EPHB4: variants seen among roughly 807,000 people sequenced by gnomAD.
The protein encoded by EPHB4 is EPH receptor B4, also known as ephrin type-B receptor 4.
A neutral mutation model predicts 110.6 loss-of-function variants in EPHB4; 50 were observed. That is an observed-to-expected ratio of 0.45 (90% confidence interval 0.36 to 0.57). The LOEUF is 0.57. EPHB4 is among the 20% of genes least tolerant of loss of function. EPHB4 has a pLI of 0.00. For synonymous variants in EPHB4, 592 were observed against 578.4 expected (o/e 1.02, Z -0.34); for missense variants, 1,128 against 1,382.1 (o/e 0.82, Z 2.91).
At position 100,822,424 on chromosome 7, in the gene EPHB4, C is replaced by T. The variant is rs761954921; in HGVS notation, c.655G>A (p.Val219Met). 8.8e-6 allele frequency: 14 copies of T among 1,597,160 alleles called. No homozygotes were observed. The highest frequency in any genetic ancestry group is 5.4e-5 in the African/African-American group (4 of 74,726). The change falls in exon 4 of 17, where the codon GTG becomes ATG. Residue 219 changes from valine (V) to methionine (M), a missense_variant. Physicochemically the swap from Val to Met is conservative, Grantham distance 21. Transcript: ENST00000358173. This position sits in a 1 kb window ranked among gnomAD's most constrained non-coding sequence, Gnocchi z 4.7. ...ETVPRELVVP[V>M]AGSCVVDAVP... ...GCATCCACCACGCAGCTACCGGCCA[C>T]GGGCACAACCAGCTCCCGAGGCACA...
chr7:100,816,482 C>T (rs1584660559), intron 8 of EPHB4, among the ~76,000 whole-genome samples: 2 of 151,790 alleles, frequency 1.3e-5, no homozygotes, highest in South Asian at 4.2e-4. Flanking sequence ...TACAGGTGTG[C>T]ACCACCACGC....
rs753323358 is a variant in EPHB4 at position 100,819,740 on chromosome 7, G to C, written c.1114C>G (p.Pro372Ala). 1 of 1,609,858 alleles carries C rather than the reference G, an allele frequency of 6.2e-7. No homozygotes were observed. Among genetic ancestry groups the C allele is most frequent in the South Asian group, 1.1e-5 (1 of 90,800 alleles). Residue 372 changes from proline to alanine, a missense_variant, in exon 6 of 17, where the codon CCC (proline) becomes GCC (alanine). Physicochemically the swap from Pro to Ala is conservative, Grantham distance 27 (BLOSUM62 -1). Transcript: ENST00000358173. ...RECRPGGSCA[P>A]CGGDLTFDPG... is the part of the protein sequence containing the mutation. The stretch of plus-strand genomic sequence containing the variant: ...TCAAAAGTCAGGTCTCCCCCGCAGG[G>C]CGCACAGGAGCCTCCGGGTCGGCAC...
intron 8 of EPHB4, among the ~76,000 whole-genome samples, chr7:100,816,177 T>A (rs1813062716): frequency 6.7e-6 from 1 of 148,580 alleles, no homozygotes; most frequent in Non-Finnish European, 1.5e-5. Flanking sequence ...AAAAAAAAAA[T>A]GTGAAAGAAA....
Position 100,805,614 on chromosome 7 carries a change from G to A in EPHB4, c.2565C>T (p.Asp855=), listed in dbSNP as rs2116414067. Residue 855 remains aspartate (D), a synonymous_variant, in exon 15 of 17, where the codon GAC becomes GAT. Transcript: ENST00000358173. ...GGGCATTCCGGTCTTTCTGCCAACA[G>A]TCCAGCATGAGCTGGTGGAGGGAGG... ...CPTSLHQLML[D]CWQKDRNARP... is the part of the protein sequence containing the mutation. 1 of 1,564,278 alleles carries A rather than the reference G, an allele frequency of 6.4e-7. No homozygotes were observed. The highest frequency in any genetic ancestry group is 8.6e-7 in the Non-Finnish European group (1 of 1,156,312).
chr7:100,817,533 T>C (rs149981718), intron 7 of EPHB4, among the ~76,000 whole-genome samples, 176 bp from the exon 8 acceptor site: 14 of 152,294 alleles, frequency 9.2e-5, no homozygotes, highest in African/African-American at 3.4e-4. Flanking sequence ...CATTCCTTTT[T>C]TTTAAGACAA....
Position 100,817,174 on chromosome 7 carries a change from C to A in EPHB4, c.1588+18G>T. On this transcript the variant is annotated intron_variant, in intron 8 of 16. Coordinates refer to ENST00000358173, the MANE Select transcript of EPHB4 (RefSeq NM_004444.5). The stretch of plus-strand genomic sequence containing the variant: ...GGGTCTTTCCAACCCCCACCCTCAC[C>A]CCCTTCCCCAGGCTCACCATCCAGT... 4.0e-6 allele frequency: 6 copies of A among 1,510,836 alleles called. No homozygotes were observed. The highest frequency in any genetic ancestry group is 5.3e-6 in the Non-Finnish European group (6 of 1,132,318). 93.6% of individuals were successfully genotyped at this position (1,510,836 alleles called of 1,614,324 possible).
In EPHB4 at chr7:100,813,146, C is replaced by T; in HGVS notation, c.1819G>A (p.Ala607Thr). 2 of 1,611,270 alleles carry T rather than the reference C, an allele frequency of 1.2e-6. No homozygotes were observed. Residue 607 changes from alanine (A) to threonine (T), a missense_variant, in exon 11 of 17, where the codon GCA becomes ACA. By Grantham distance (58) the Ala-to-Thr change is moderately conservative. Transcript: ENST00000358173. ...ACGTAGGAGACATCGATCTCTTTTG[C>T]AAATTCCCTCACAGCCTCATTAGGG... Reference protein sequence around the residue: ...EDPNEAVREFAKEIDVSYVKI... With the variant: ...EDPNEAVREFTKEIDVSYVKI...
chr7:100,825,219 G>A (rs149892873), intron 1 of EPHB4: 4 of 152,244 alleles, frequency 2.6e-5, no homozygotes, highest in Admixed American at 2.6e-4. Context: ...GCCTCTTCCT[G>A]GGGACCAAAT....
At chr7:100,815,461 G>A (rs1048131330) in intron 8 of EPHB4, among the ~76,000 whole-genome samples, 1 of 152,212 alleles carries the variant, frequency 6.6e-6, no homozygotes, top group Non-Finnish European at 1.5e-5. Context: ...AAGTGGGTTA[G>A]TGCTTGCCAG....
intron 8 of EPHB4, 115 bp from the exon 9 acceptor site, chr7:100,814,136 C>G (rs1390933515): frequency 8.8e-7 from 1 of 1,141,826 alleles, no homozygotes; most frequent in Non-Finnish European, 1.2e-6. Flanking sequence ...GTACAGGGGA[C>G]AGGTGGAGGG....
rs1379445967 is a variant in EPHB4 at position 100,827,464 on chromosome 7, G to C, written c.-434C>G. On this transcript the variant is annotated 5_prime_UTR_variant, in exon 1 of 17. Coordinates refer to ENST00000358173, the MANE Select transcript of EPHB4 (RefSeq NM_004444.5). Reference sequence around the variant, plus strand: ...GAGCGGGGACGGAGCGGGAGGGAGGGAGACTGCGGCGCGGAGCCGGGCGGG... The same window carrying C: ...GAGCGGGGACGGAGCGGGAGGGAGGCAGACTGCGGCGCGGAGCCGGGCGGG... The C allele has an allele frequency of 1.3e-5, 2 of 151,058 alleles. No individual in the cohort carries two copies. Among genetic ancestry groups the C allele is most frequent in the Admixed American group, 6.6e-5 (1 of 15,118 alleles). 9.4% of individuals were successfully genotyped at this position (151,058 alleles called of 1,614,324 possible).
chr7:100,811,076 C>G (rs142483704), intron 12 of EPHB4, among the ~76,000 whole-genome samples: 2,058 of 151,776 alleles, frequency 0.014, 20 homozygotes, highest in Middle Eastern at 0.017. Context: ...ATGATGAAAC[C>G]CTGTCTCTAC....
At position 100,822,248 on chromosome 7, in the gene EPHB4, G is replaced by A. The variant is rs147552085; in HGVS notation, c.808+23C>T. The A allele has an allele frequency of 5.4e-4, 838 of 1,546,230 alleles. 8 individuals are homozygous for A. In the African/African-American group the frequency reaches 9.0e-3, roughly 17 times the overall value. ...ACTCTCCCCCGGATGAGCAGCAGTC[G>A]CAGGGGAAGCTCCAGCTCTCACCTC... On this transcript the variant is annotated intron_variant, in intron 4 of 16. Transcript: ENST00000358173. The surrounding 1 kb of genome is among the most constrained non-coding windows in gnomAD (Gnocchi z 4.7).
chr7:100,823,011 C>T (rs1055994237), intron 3 of EPHB4, among the ~76,000 whole-genome samples: 15 of 152,202 alleles, frequency 9.9e-5, no homozygotes, highest in South Asian at 2.1e-4. Context: ...TGAGGCCGGG[C>T]GTAGTGCCTC....
At chr7:100,807,645 CAT>C (rs2116419782) in intron 12 of EPHB4, 65 bp from the exon 13 acceptor site, 1 of 1,510,234 alleles carries the variant, frequency 6.6e-7, no homozygotes, top group African/African-American at 1.4e-5. Context: ...CTCCCATCCA[CAT>C]CTTTTTTTTT....
Position 100,822,176 on chromosome 7 carries a change from C to A in EPHB4, c.808+95G>T. On this transcript the variant is annotated intron_variant, in intron 4 of 16. Coordinates refer to ENST00000358173, the MANE Select transcript of EPHB4 (RefSeq NM_004444.5). The surrounding 1 kb of genome is among the most constrained non-coding windows in gnomAD (Gnocchi z 4.7). ...AGCAAGCCTCCATTTCAACATCTAA[C>A]TATACAAAATGGAAACTTAAGAAGT... 7.0e-7 allele frequency: 1 copy of A among 1,431,458 alleles called. No individual in the cohort carries two copies. Among genetic ancestry groups the A allele is most frequent in the Non-Finnish European group, 9.2e-7 (1 of 1,084,354 alleles). The allele number at this position is 1,431,458 out of a possible 1,614,324, so 88.7% of individuals were successfully genotyped here. A position where few individuals can be genotyped will look rare whatever the true frequency, so the allele number is the denominator to read the frequency against.
Position 100,812,891 on chromosome 7 carries a change from C to T in EPHB4, c.1974G>A (p.Arg658=). 6.2e-7 allele frequency: 1 copy of T among 1,614,240 alleles called. No individual in the cohort carries two copies. Among genetic ancestry groups the T allele is most frequent in the Non-Finnish European group, 8.5e-7 (1 of 1,180,050 alleles). The change falls in exon 12 of 17, where the codon CGG becomes CGA. Residue 658 remains arginine, a synonymous_variant. Coordinates refer to ENST00000358173, the MANE Select transcript of EPHB4 (RefSeq NM_004444.5). ...TGGAGGCCTCGCTCAGAAACTCACG[C>T]CGCTGCCGCTCCGTGTAGCCACCCT... ...TLKGGYTERQ[R]REFLSEASIM... is the part of the protein sequence containing the mutation.
Position 100,823,913 on chromosome 7 carries a change from G to A in EPHB4, c.142C>T (p.Leu48=). 6.3e-7 allele frequency: 1 copy of A among 1,593,914 alleles called. No individual in the cohort carries two copies. Among genetic ancestry groups the A allele is most frequent in the Non-Finnish European group, 8.5e-7 (1 of 1,170,002 alleles). ...VDGQWEELSG[L]DEEQHSVRTY... The stretch of plus-strand genomic sequence containing the variant: ...CGCACGCTGTGCTGTTCCTCATCCA[G>A]GCCGCTCAGTTCCTCCCACTGTGCA... The change falls in exon 3 of 17, where the codon CTG becomes TTG. Residue 48 remains leucine (L), a synonymous_variant. Transcript: ENST00000358173.
Position 100,823,725 on chromosome 7 carries a change from G to A in EPHB4, c.330C>T (p.Thr110=), listed in dbSNP as rs746029095. The change falls in exon 3 of 17, where the codon ACC becomes ACT. Residue 110 remains threonine (T), a synonymous_variant. Transcript: ENST00000358173. ...LPRAGRSCKE[T]FTVFYYESDA... Reference sequence around the variant, plus strand: ...CGCTCTCATAGTAGAAGACGGTGAAGGTCTCCTTGCAGGAGCGCCCAGCCC... The same window carrying A: ...CGCTCTCATAGTAGAAGACGGTGAAAGTCTCCTTGCAGGAGCGCCCAGCCC... 17 of 1,613,658 alleles carry A rather than the reference G, an allele frequency of 1.1e-5. No homozygotes were observed. Among genetic ancestry groups the A allele is most frequent in the Non-Finnish European group, 1.4e-5 (16 of 1,179,972 alleles).
Sources: gnomAD v4.1 joint callset for allele counts (sites outside exome capture counted in the v4.1 genomes callset) on GRCh38, gnomAD v4.1.1 for gene constraint, Gnocchi (gnomAD v3.1) non-coding constraint, MANE v1.5 for transcripts, NCBI Gene and HGNC (gene_info 2026-07-23, HGNC 2026-07-21) for gene names.